COBL: variants seen among roughly 807,000 people sequenced by gnomAD.
The protein encoded by COBL is protein cordon-bleu.
COBL carries 51 observed loss-of-function variants against 98.8 expected under a neutral mutation model. The observed-to-expected ratio is 0.52, with a 90% CI of 0.41 to 0.65. The LOEUF (loss-of-function observed/expected upper bound fraction) is 0.65, where lower values mean the gene tolerates loss of function less well. COBL is among the 30% of genes least tolerant of loss of function. The pLI, the probability that COBL is intolerant of heterozygous loss-of-function variation, is 0.00. For synonymous variants in COBL, 634 were observed against 651.7 expected (o/e 0.97, Z 0.41); for missense variants, 1,617 against 1,617.5 (o/e 1.00, Z 0.01).
At chr7:51,239,917 T>C in intron 1 of COBL, among the ~76,000 whole-genome samples, 1 of 152,220 alleles carries the variant, frequency 6.6e-6, no homozygotes, top group Non-Finnish European at 1.5e-5. Context: ...GTGGGCCATA[T>C]GATCTCTGTC....
chr7:51,133,259 G>A (rs1262925178), intron 6 of COBL, among the ~76,000 whole-genome samples: 3 of 152,142 alleles, frequency 2.0e-5, no homozygotes, highest in Non-Finnish European at 1.5e-5. Context: ...AGGAGTGGAC[G>A]CTACTGATGT....
intron 7 of COBL, among the ~76,000 whole-genome samples, chr7:51,053,859 T>C (rs1790469854): frequency 6.6e-6 from 1 of 152,222 alleles, no homozygotes; most frequent in Non-Finnish European, 1.5e-5. Context: ...CAATGCAACA[T>C]TTTATTAGCT....
chr7:51,032,273 G>C (rs1788239552), intron 8 of COBL: 1 of 152,204 alleles, frequency 6.6e-6, no homozygotes, highest in Non-Finnish European at 1.5e-5. Context: ...GCGGGATCTG[G>C]CTTCATTTGC....
At chr7:51,198,128 T>C (rs929008058) in intron 2 of COBL, among the ~76,000 whole-genome samples, 1 of 152,184 alleles carries the variant, frequency 6.6e-6, no homozygotes, top group Non-Finnish European at 1.5e-5. Context: ...TGTACTTTAG[T>C]GTTAGTAGCT....
At chr7:51,309,157 C>A (rs1481882356) in intron 1 of COBL, among the ~76,000 whole-genome samples, 1 of 152,142 alleles carries the variant, frequency 6.6e-6, no homozygotes, top group Non-Finnish European at 1.5e-5. Context: ...ATCTCTGATC[C>A]CCCCTGCCTC....
intron 1 of COBL, among the ~76,000 whole-genome samples, chr7:51,241,826 G>T (rs1030022559): frequency 4.6e-5 from 7 of 152,174 alleles, no homozygotes; most frequent in Non-Finnish European, 1.0e-4. Flanking sequence ...AGTGCTAGGG[G>T]TCCTTCAGGG....
intron 1 of COBL, among the ~76,000 whole-genome samples, chr7:51,253,092 C>T (rs1440429981): frequency 6.6e-6 from 1 of 151,972 alleles, no homozygotes; most frequent in African/African-American, 2.4e-5. Flanking sequence ...GTCATGGTGG[C>T]GGGCACCTGT....
chr7:51,201,275 A>T (rs1028416545), intron 2 of COBL, among the ~76,000 whole-genome samples: 13 of 151,902 alleles, frequency 8.6e-5, no homozygotes, highest in Non-Finnish European at 1.6e-4. Flanking sequence ...GAATGAAAGA[A>T]AAGAAAGGAG....
intron 7 of COBL, among the ~76,000 whole-genome samples, chr7:51,079,057 T>G (rs1363474584): frequency 6.6e-6 from 1 of 152,062 alleles, no homozygotes. Flanking sequence ...AGTCACTAAG[T>G]ACAGTCAGCA....
chr7:51,184,966 G>A (rs1296490438), intron 4 of COBL, among the ~76,000 whole-genome samples: 1 of 152,214 alleles, frequency 6.6e-6, no homozygotes, highest in East Asian at 1.9e-4. Flanking sequence ...CACCTTTCCA[G>A]ATTTTCCTTC....
intron 2 of COBL, among the ~76,000 whole-genome samples, chr7:51,209,381 G>T (rs934135724): frequency 6.6e-6 from 1 of 152,196 alleles, no homozygotes; most frequent in African/African-American, 2.4e-5. Context: ...CTGGGAAGTG[G>T]GTGCTGGTGG....
At chr7:51,281,150 A>C (rs1799785203) in intron 1 of COBL, among the ~76,000 whole-genome samples, 1 of 152,224 alleles carries the variant, frequency 6.6e-6, no homozygotes, top group South Asian at 2.1e-4. Context: ...AAAATTTTAG[A>C]TTTGAAAATA....
intron 5 of COBL, among the ~76,000 whole-genome samples, chr7:51,146,088 A>G (rs1288155184): frequency 3.3e-5 from 5 of 152,182 alleles, no homozygotes; most frequent in African/African-American, 1.2e-4. Flanking sequence ...CCCAAGCCCC[A>G]TGATTTCATA....
chr7:51,230,650 A>G (rs1368390885), intron 1 of COBL, among the ~76,000 whole-genome samples: 2 of 152,206 alleles, frequency 1.3e-5, no homozygotes, highest in Non-Finnish European at 2.9e-5. Context: ...CTGAAGATGA[A>G]TATTCCTCAA....
chr7:51,077,890 C>T (rs1583703293), intron 7 of COBL, among the ~76,000 whole-genome samples: 1 of 152,274 alleles, frequency 6.6e-6, no homozygotes, highest in Middle Eastern at 3.4e-3. Flanking sequence ...CTTTCAGATG[C>T]TTGGCCTTAC....
At chr7:51,074,512 G>A (rs980225023) in intron 7 of COBL, among the ~76,000 whole-genome samples, 4 of 152,152 alleles carry the variant, frequency 2.6e-5, no homozygotes, top group Non-Finnish European at 4.4e-5. Flanking sequence ...TCAAACCATT[G>A]TTGAAAAATC....
intron 2 of COBL, among the ~76,000 whole-genome samples, chr7:51,202,815 T>A (rs1352366303): frequency 6.6e-6 from 1 of 152,100 alleles, no homozygotes; most frequent in Non-Finnish European, 1.5e-5. Flanking sequence ...CCAAGGCAGG[T>A]GGATCACTTG....
Position 51,151,679 on chromosome 7 carries a change from G to A in COBL, c.784-15348C>T, listed in dbSNP as rs912274257. On this transcript the variant is annotated intron_variant, in intron 5 of 12. Coordinates refer to ENST00000265136, the MANE Select transcript of COBL (RefSeq NM_015198.5). ...CCTGCATCAAAGTCCAGTAAGCCCT[G>A]TAATTTCCTGGTCAAGAGGAAGCTC... is the stretch of plus-strand genomic sequence containing the variant. Among the ~76,000 whole-genome samples the A allele has an allele frequency of 2.6e-5, 4 of 152,374 alleles. No homozygotes were observed. In the East Asian group the frequency reaches 5.8e-4, roughly 22 times the overall value.
At chr7:51,085,922 CCA>C (rs1794192397) in intron 6 of COBL, among the ~76,000 whole-genome samples, 1 of 152,154 alleles carries the variant, frequency 6.6e-6, no homozygotes, top group South Asian at 2.1e-4. Flanking sequence ...TAGCCCCCAA[CCA>C]CAGCAGAAAT....
Sources: allele counts gnomAD v4.1 joint callset (sites outside exome capture counted in the v4.1 genomes callset), GRCh38; gene constraint gnomAD v4.1.1; transcripts MANE v1.5; gene names NCBI Gene and HGNC (gene_info 2026-07-23, HGNC 2026-07-21).